The following ZNF676 variants were observed in gnomAD, a reference collection of about 807,000 sequenced individuals.
ZNF676 encodes the protein zinc finger protein 676.
In ZNF676, 4 loss-of-function variants were observed where a neutral mutation model predicts 6.0. The ratio of observed to expected loss-of-function variants is 0.67; its 90% CI spans 0.33 to 1.53. The LOEUF (loss-of-function observed/expected upper bound fraction) is 1.53, where lower values mean the gene tolerates loss of function less well. Ranked by LOEUF, ZNF676 falls within the 40% of genes most tolerant of loss-of-function variation. The pLI is 0.06. For synonymous variants in ZNF676, 198 were observed against 223.1 expected, an observed-to-expected ratio of 0.89 and a Z score of 1.00; for missense variants, 644 against 679.7, an observed-to-expected ratio of 0.95 and a Z score of 0.58.
upstream of ZNF676, among the ~76,000 whole-genome samples, chr19:22,216,742 G>C (rs1346862355): frequency 1.3e-5 from 2 of 151,368 alleles, no homozygotes; most frequent in Non-Finnish European, 2.9e-5. Context: ...TCCTGCCTCA[G>C]CCTCCCGAGT....
upstream of ZNF676, chr19:22,215,798 C>G: frequency 2.2e-5 from 3 of 138,166 alleles, no homozygotes; most frequent in South Asian, 2.7e-4. Flanking sequence ...GCCGACCTGT[C>G]CCCCCCCCCA....
chr19:22,251,912 T>C, the ZNF676 span, among the ~76,000 whole-genome samples: 2 of 152,218 alleles, frequency 1.3e-5, no homozygotes, highest in Non-Finnish European at 2.9e-5. Flanking sequence ...ATAATTTTAC[T>C]TATTTTACTT....
the ZNF676 span, among the ~76,000 whole-genome samples, chr19:22,253,353 G>GGTGTGTGT: frequency 9.4e-6 from 1 of 105,832 alleles, no homozygotes. Flanking sequence ...TATGATAATG[G>GGTGTGTGT]GTGTGTGTGT....
chr19:22,252,026 G>A, the ZNF676 span, among the ~76,000 whole-genome samples: 1 of 152,112 alleles, frequency 6.6e-6, no homozygotes, highest in Non-Finnish European at 1.5e-5. Context: ...GTTTTCTTAA[G>A]TAGAACACTT....
At chr19:22,239,793 T>C in the ZNF676 span, among the ~76,000 whole-genome samples, 2 of 152,142 alleles carry the variant, frequency 1.3e-5, no homozygotes, top group South Asian at 4.1e-4. Context: ...AGGCACATTA[T>C]GTAGAAAATT....
chr19:22,236,330 T>G, the ZNF676 span, among the ~76,000 whole-genome samples: 31 of 152,044 alleles, frequency 2.0e-4, no homozygotes, highest in Non-Finnish European at 3.2e-4. Context: ...GGGACCCACT[T>G]GATCAACTGT....
the ZNF676 span, among the ~76,000 whole-genome samples, chr19:22,258,313 C>A: frequency 6.6e-6 from 1 of 152,078 alleles, no homozygotes; most frequent in African/African-American, 2.4e-5. Context: ...TTAACAGGGT[C>A]CAGGCAGAAG....
intron 1 of ZNF676, among the ~76,000 whole-genome samples, chr19:22,206,626 G>T (rs1280575227): frequency 6.6e-6 from 1 of 151,654 alleles, no homozygotes; most frequent in African/African-American, 2.4e-5. Flanking sequence ...AGTGAACCAA[G>T]ATTGCACCAC....
At chr19:22,240,502 G>A in the ZNF676 span, among the ~76,000 whole-genome samples, 3 of 152,016 alleles carry the variant, frequency 2.0e-5, no homozygotes, top group Middle Eastern at 3.4e-3. Context: ...ATAGGAAAAA[G>A]AGAAGCGTTG....
exon 1 of ZNF676, chr19:22,215,666 G>C: frequency 6.2e-7 from 1 of 1,608,116 alleles, no homozygotes; most frequent in Non-Finnish European, 8.5e-7. Context: ...TGGCGACTTA[G>C]TTGTGGATCT....
upstream of ZNF676, among the ~76,000 whole-genome samples, chr19:22,201,840 A>C (rs1412715724): frequency 6.6e-6 from 1 of 151,874 alleles, no homozygotes; most frequent in Non-Finnish European, 1.5e-5. Context: ...AATTGATTGC[A>C]TATACATCAA....
chr19:22,232,491 T>A, the ZNF676 span, among the ~76,000 whole-genome samples: 5 of 152,102 alleles, frequency 3.3e-5, no homozygotes, highest in African/African-American at 1.2e-4. Flanking sequence ...CAATACCCCA[T>A]TTTGTATAAT....
At chr19:22,231,485 C>T in the ZNF676 span, among the ~76,000 whole-genome samples, 1 of 150,280 alleles carries the variant, frequency 6.7e-6, no homozygotes, top group South Asian at 2.1e-4. Flanking sequence ...ATAATAGAGT[C>T]ATCAGAGATC....
the ZNF676 span, among the ~76,000 whole-genome samples, chr19:22,230,945 A>T: frequency 6.6e-6 from 1 of 151,904 alleles, no homozygotes; most frequent in Non-Finnish European, 1.5e-5. Context: ...GGCATGAGCC[A>T]CTGTGCCTGG....
the ZNF676 span, among the ~76,000 whole-genome samples, chr19:22,248,398 C>A: frequency 6.6e-6 from 1 of 152,218 alleles, no homozygotes; most frequent in African/African-American, 2.4e-5. Context: ...CACATTCTCT[C>A]CAGCACCTGT....
chr19:22,194,223 G>A (rs2023943408), intron 1 of ZNF676, among the ~76,000 whole-genome samples: 1 of 152,170 alleles, frequency 6.6e-6, no homozygotes, highest in Non-Finnish European at 1.5e-5. Context: ...CAGGGATCAT[G>A]AGAGCCTTAT....
At chr19:22,258,946 G>A in the ZNF676 span, among the ~76,000 whole-genome samples, 7 of 152,146 alleles carry the variant, frequency 4.6e-5, no homozygotes, top group African/African-American at 7.2e-5. Context: ...CTCAACTGGG[G>A]ACTTTATCTC....
chr19:22,190,085 A>C (rs1375691545), intron 2 of ZNF676, among the ~76,000 whole-genome samples: 1 of 152,172 alleles, frequency 6.6e-6, no homozygotes, highest in African/African-American at 2.4e-5. Context: ...TGTTTACTGC[A>C]GCACTATTCA....
chr19:22,196,547 C>A, intron 1 of ZNF676, 53 bp downstream of exon 1: 1 of 1,612,874 alleles, frequency 6.2e-7, no homozygotes, highest in South Asian at 1.1e-5. Context: ...AGGTCTGCAG[C>A]AAAATGAAAC....
Sources: gnomAD v4.1 joint callset for allele counts (sites outside exome capture counted in the v4.1 genomes callset) on GRCh38, gnomAD v4.1.1 for gene constraint, MANE v1.5 for transcripts, NCBI Gene and HGNC (gene_info 2026-07-23, HGNC 2026-07-21) for gene names.